SNTB2: variants seen among roughly 807,000 people sequenced by gnomAD.
The protein encoded by SNTB2 is syntrophin beta 2.
SNTB2 carries 34 observed loss-of-function variants against 46.2 expected under a neutral mutation model. The ratio of observed to expected loss-of-function variants is 0.74; its 90% CI spans 0.56 to 0.98. The LOEUF is 0.98. SNTB2 is among the 50% of genes least tolerant of loss of function. The pLI, the probability that SNTB2 is intolerant of heterozygous loss-of-function variation, is 0.00. For missense variants in SNTB2, 603 were observed against 731.4 expected, an observed-to-expected ratio of 0.82 and a Z score of 2.02; for synonymous variants, 290 against 312.6, an observed-to-expected ratio of 0.93 and a Z score of 0.76.
At chr16:69,205,815 T>C (rs987289017) in intron 1 of SNTB2, among the ~76,000 whole-genome samples, 2 of 152,184 alleles carry the variant, frequency 1.3e-5, no homozygotes, top group Non-Finnish European at 2.9e-5. Context: ...ATAGATAACT[T>C]TTCCTGAAAT....
intron 1 of SNTB2, among the ~76,000 whole-genome samples, chr16:69,229,359 A>G (rs902615907): frequency 2.0e-5 from 3 of 151,598 alleles, no homozygotes; most frequent in Non-Finnish European, 4.4e-5. Flanking sequence ...TTGTAGAGAT[A>G]GGATTTTGCC....
At chr16:69,257,117 G>A (rs1964784440) in intron 2 of SNTB2, among the ~76,000 whole-genome samples, 1 of 150,864 alleles carries the variant, frequency 6.6e-6, no homozygotes, top group African/African-American at 2.4e-5. Context: ...GTTTCAGTGA[G>A]CTGAGATCGT....
intron 4 of SNTB2, among the ~76,000 whole-genome samples, chr16:69,282,101 T>C (rs1450376880): frequency 2.0e-5 from 3 of 149,624 alleles, no homozygotes; most frequent in Admixed American, 6.6e-5. Context: ...GACGGGGTTT[T>C]ACCATGTGGG....
At chr16:69,203,727 T>C (rs559527486) in intron 1 of SNTB2, among the ~76,000 whole-genome samples, 8 of 152,256 alleles carry the variant, frequency 5.3e-5, no homozygotes, top group Non-Finnish European at 1.0e-4. Context: ...CTTTCCCTTT[T>C]TTATTGCAGT....
At chr16:69,241,450 A>G (rs1964613668) in intron 1 of SNTB2, among the ~76,000 whole-genome samples, 1 of 147,714 alleles carries the variant, frequency 6.8e-6, no homozygotes, top group Non-Finnish European at 1.5e-5. Context: ...TGCTGGGATT[A>G]CAGGTGTGAG....
intron 4 of SNTB2, among the ~76,000 whole-genome samples, chr16:69,282,221 G>T (rs1363303618): frequency 1.3e-5 from 2 of 150,116 alleles, no homozygotes; most frequent in African/African-American, 2.4e-5. Flanking sequence ...AGCACTCAGG[G>T]AGGCCCAGGC....
At chr16:69,282,223 G>A (rs1484179042) in intron 4 of SNTB2, among the ~76,000 whole-genome samples, 2 of 150,226 alleles carry the variant, frequency 1.3e-5, no homozygotes, top group African/African-American at 4.9e-5. Context: ...CACTCAGGGA[G>A]GCCCAGGCAG....
At chr16:69,274,607 C>T (rs1470183064) in intron 4 of SNTB2, among the ~76,000 whole-genome samples, 3 of 149,100 alleles carry the variant, frequency 2.0e-5, no homozygotes, top group South Asian at 2.1e-4. Flanking sequence ...GAGCCAAGAT[C>T]GCGTCACTGC....
chr16:69,190,701 AC>A (rs1389540344), intron 1 of SNTB2, among the ~76,000 whole-genome samples: 2 of 152,198 alleles, frequency 1.3e-5, no homozygotes, highest in Non-Finnish European at 2.9e-5. Context: ...GAAGTGCAAG[AC>A]ATTAAAAAGC....
chr16:69,266,586 G>A (rs1964887303), intron 3 of SNTB2, among the ~76,000 whole-genome samples: 1 of 152,116 alleles, frequency 6.6e-6, no homozygotes, highest in Non-Finnish European at 1.5e-5. Flanking sequence ...ATTGGCATTA[G>A]CATTTTTCCT....
intron 5 of SNTB2, among the ~76,000 whole-genome samples, chr16:69,294,714 C>A (rs1375932648): frequency 6.6e-6 from 1 of 152,082 alleles, no homozygotes; most frequent in East Asian, 1.9e-4. Flanking sequence ...GCCTGGGCGA[C>A]AGAGCGAGAC....
In SNTB2 at chr16:69,270,152, G is replaced by T. The variant is rs1251450259; in HGVS notation, c.1015G>T (p.Asp339Tyr). 1.2e-6 allele frequency: 2 copies of T among 1,613,920 alleles called. No individual in the cohort carries two copies. Among genetic ancestry groups the T allele is most frequent in the Non-Finnish European group, 1.7e-6 (2 of 1,179,982 alleles). Reference protein sequence around the residue: ...IAWLAEQAKLDGGRQQWRPVL... With the variant: ...IAWLAEQAKLYGGRQQWRPVL... ...TTTTCCATTGTAACAGGCAAAACTA[G>T]ATGGTGGAAGACAGCAATGGAGACC... The change falls in exon 4 of 7, where the codon GAT (aspartate) becomes TAT (tyrosine). Residue 339 changes from aspartate to tyrosine, a missense_variant. By Grantham distance (160) the Asp-to-Tyr change is radical. Transcript: ENST00000336278.
At chr16:69,194,952 A>G (rs1006007299) in intron 1 of SNTB2, among the ~76,000 whole-genome samples, 5 of 152,240 alleles carry the variant, frequency 3.3e-5, no homozygotes, top group African/African-American at 1.2e-4. Flanking sequence ...GCTGTAAAAC[A>G]AAAGTCAGAA....
chr16:69,268,939 G>A (rs780458077), intron 3 of SNTB2, among the ~76,000 whole-genome samples: 8 of 152,072 alleles, frequency 5.3e-5, no homozygotes, highest in Non-Finnish European at 1.2e-4. Context: ...GGAGGCCAAG[G>A]TGGGCGGATC....
chr16:69,300,966 T>A lies in SNTB2; in HGVS notation c.*42T>A. 1.6e-6 allele frequency: 2 copies of A among 1,259,482 alleles called. No homozygotes were observed. Among genetic ancestry groups the A allele is most frequent in the Non-Finnish European group, 2.3e-6 (2 of 875,354 alleles). 78.0% of individuals were successfully genotyped at this position (1,259,482 alleles called of 1,614,324 possible). On this transcript the variant is annotated 3_prime_UTR_variant, in exon 7 of 7. Coordinates refer to ENST00000336278, the MANE Select transcript of SNTB2 (RefSeq NM_006750.4). ...AAAGAGCCTTGACTGTCACAAGAAA[T>A]ATTTCCACCTCAAAAAAAAAAAAGC... is the stretch of plus-strand genomic sequence containing the variant.
chr16:69,205,525 T>G (rs1346384537), intron 1 of SNTB2, among the ~76,000 whole-genome samples: 2 of 151,948 alleles, frequency 1.3e-5, no homozygotes, highest in Non-Finnish European at 2.9e-5. Context: ...AACAGATACC[T>G]CTTGTGGCCC....
chr16:69,239,588 G>A (rs1964590794), intron 1 of SNTB2, among the ~76,000 whole-genome samples: 1 of 151,960 alleles, frequency 6.6e-6, no homozygotes, highest in Admixed American at 6.5e-5. Context: ...TCGCTCTGTT[G>A]CCCAGGCTGG....
chr16:69,246,265 C>G (rs2143043987), intron 2 of SNTB2, among the ~76,000 whole-genome samples: 1 of 152,194 alleles, frequency 6.6e-6, no homozygotes, highest in South Asian at 2.1e-4. Flanking sequence ...GAGTTTTTAG[C>G]ATGAAGGGTT....
At chr16:69,292,367 T>TATA (rs1555501223) in intron 5 of SNTB2, among the ~76,000 whole-genome samples, 3 of 20,324 alleles carry the variant, frequency 1.5e-4, no homozygotes, top group Non-Finnish European at 2.9e-4. Flanking sequence ...TATATATATA[T>TATA]ATATATATAT....
Sources: gnomAD v4.1 joint callset for allele counts (sites outside exome capture counted in the v4.1 genomes callset) on GRCh38, gnomAD v4.1.1 for gene constraint, MANE v1.5 for transcripts, NCBI Gene and HGNC (gene_info 2026-07-23, HGNC 2026-07-21) for gene names.